PLPP4: variants seen among roughly 807,000 people sequenced by gnomAD.
PLPP4 encodes phospholipid phosphatase 4.
A neutral mutation model predicts 32.2 loss-of-function variants in PLPP4; 20 were observed. That is an observed-to-expected ratio of 0.62 (90% CI 0.44 to 0.90). PLPP4 has a LOEUF of 0.90. Among genes scored for constraint, PLPP4 ranks in the 40% least tolerant of loss-of-function variants. The pLI is 0.00. For synonymous variants in PLPP4, 127 were observed against 133.0 expected (o/e 0.95, Z 0.31); for missense variants, 257 against 353.1 (o/e 0.73, Z 2.18).
intron 5 of PLPP4, among the ~76,000 whole-genome samples, chr10:120,537,985 A>G (rs941698116): frequency 3.2e-5 from 3 of 95,092 alleles, no homozygotes; most frequent in Non-Finnish European, 5.8e-5. Flanking sequence ...CAGAACCACC[A>G]GGCCCTTTCT....
chr10:120,586,735 C>T (rs1849778893), intron 6 of PLPP4, among the ~76,000 whole-genome samples: 4 of 152,266 alleles, frequency 2.6e-5, no homozygotes, highest in African/African-American at 9.6e-5. Context: ...CAACAGCCAA[C>T]CCTAATAGAG....
intron 1 of PLPP4, among the ~76,000 whole-genome samples, chr10:120,457,595 C>T (rs188226183): frequency 9.7e-4 from 147 of 152,264 alleles, no homozygotes; most frequent in African/African-American, 3.2e-3. Flanking sequence ...GAGACCTGCT[C>T]CCGGGTCTCA....
At chr10:120,521,680 A>C (rs1211442186) in intron 5 of PLPP4, among the ~76,000 whole-genome samples, 1 of 152,208 alleles carries the variant, frequency 6.6e-6, no homozygotes, top group African/African-American at 2.4e-5. Flanking sequence ...TGGCTCTGCC[A>C]GGTATTAGCT....
At chr10:120,560,994 G>C (rs1007669667) in intron 5 of PLPP4, among the ~76,000 whole-genome samples, 1 of 152,152 alleles carries the variant, frequency 6.6e-6, no homozygotes, top group African/African-American at 2.4e-5. Flanking sequence ...AACTGTATAT[G>C]TAATCAAAAC....
chr10:120,457,165 G>A (rs1466506693), upstream of PLPP4: 1 of 424,000 alleles, frequency 2.4e-6, no homozygotes. Flanking sequence ...GCCTGCCCCC[G>A]CCCGGCGCCC....
At chr10:120,488,655 A>G (rs1844570827) in intron 1 of PLPP4, among the ~76,000 whole-genome samples, 3 of 152,204 alleles carry the variant, frequency 2.0e-5, no homozygotes, top group African/African-American at 7.2e-5. Context: ...CTAGTCCAAC[A>G]TGCTGCTAAC....
intron 1 of PLPP4, among the ~76,000 whole-genome samples, chr10:120,487,560 ACTT>A (rs1162983146): frequency 6.6e-6 from 1 of 152,206 alleles, no homozygotes; most frequent in African/African-American, 2.4e-5. Context: ...TATCAATATT[ACTT>A]GACCTTTAAA....
intron 1 of PLPP4, among the ~76,000 whole-genome samples, chr10:120,476,950 A>G (rs189604607): frequency 7.2e-5 from 11 of 151,974 alleles, no homozygotes; most frequent in Non-Finnish European, 1.3e-4. Flanking sequence ...CCCTCTCCCA[A>G]TGGTCTTCTT....
chr10:120,497,981 A>G (rs995312612), intron 1 of PLPP4, among the ~76,000 whole-genome samples: 3 of 152,148 alleles, frequency 2.0e-5, no homozygotes, highest in Non-Finnish European at 4.4e-5. Context: ...CGGAGCTTGC[A>G]GTGAGCAGAG....
In PLPP4 at chr10:120,575,307, T is replaced by C. The variant is rs373475582; in HGVS notation, c.616+6T>C. On this transcript the variant is annotated splice_donor_region_variant and intron_variant, in intron 6 of 6. Coordinates refer to ENST00000398250, the MANE Select transcript of PLPP4 (RefSeq NM_001030059.3). ...CTACAAGCATCACTGGCAAGGTGAG[T>C]CCCTGCCCAGGGCCTGACTAGTCCT... 3 of 1,612,828 alleles carry C rather than the reference T, an allele frequency of 1.9e-6. No homozygotes were observed. Among genetic ancestry groups the C allele is most frequent in the African/African-American group, 2.7e-5 (2 of 74,896 alleles).
At chr10:120,578,184 T>TA (rs1426785679) in intron 6 of PLPP4, among the ~76,000 whole-genome samples, 2 of 152,090 alleles carry the variant, frequency 1.3e-5, no homozygotes, top group Non-Finnish European at 2.9e-5. Context: ...GTTCTGGGAG[T>TA]GGGAAGTTTT....
chr10:120,574,360 T>G (rs1454917663), intron 5 of PLPP4, among the ~76,000 whole-genome samples: 1 of 152,040 alleles, frequency 6.6e-6, no homozygotes, highest in Non-Finnish European at 1.5e-5. Context: ...CTTCCCAACT[T>G]AAATCTCACT....
intron 6 of PLPP4, among the ~76,000 whole-genome samples, chr10:120,579,133 C>G (rs1419658156): frequency 6.6e-6 from 1 of 152,158 alleles, no homozygotes; most frequent in East Asian, 1.9e-4. Context: ...AATGAGCTCC[C>G]CTGACCCCTC....
At chr10:120,470,008 C>G (rs1045210121) in intron 1 of PLPP4, among the ~76,000 whole-genome samples, 8 of 152,186 alleles carry the variant, frequency 5.3e-5, no homozygotes, top group Admixed American at 3.3e-4. Context: ...TTTTCTGGGT[C>G]AAGACCACGT....
At chr10:120,538,925 C>T (rs992517380) in intron 5 of PLPP4, among the ~76,000 whole-genome samples, 1 of 152,158 alleles carries the variant, frequency 6.6e-6, no homozygotes, top group African/African-American at 2.4e-5. Context: ...GCATTTATAC[C>T]CAGATCATCT....
intron 5 of PLPP4, among the ~76,000 whole-genome samples, chr10:120,539,995 C>G (rs72836033): frequency 0.028 from 2,421 of 87,094 alleles, 40 homozygotes; most frequent in Non-Finnish European, 0.044. Flanking sequence ...GATTAGTAAA[C>G]TTGTAAAAAA....
chr10:120,566,192 G>T (rs1382813398), intron 5 of PLPP4, among the ~76,000 whole-genome samples: 2 of 151,860 alleles, frequency 1.3e-5, no homozygotes, highest in Non-Finnish European at 2.9e-5. Flanking sequence ...TTTTCTTATA[G>T]GTTCTCATTT....
At chr10:120,589,213 C>A in intron 6 of PLPP4, 90 bp from the exon 7 acceptor site, 3 of 1,300,266 alleles carry the variant, frequency 2.3e-6, no homozygotes, top group Admixed American at 3.5e-5. Flanking sequence ...GGTCCTAGAA[C>A]AGGAAGGAAA....
intron 1 of PLPP4, among the ~76,000 whole-genome samples, 166 bp downstream of exon 1, chr10:120,457,527 C>T (rs1847844102): frequency 6.6e-6 from 1 of 152,140 alleles, no homozygotes; most frequent in Non-Finnish European, 1.5e-5. Flanking sequence ...CCAAGAGAGA[C>T]CCTTCCTCTC....
Sources: gnomAD v4.1 joint callset for allele counts (sites outside exome capture counted in the v4.1 genomes callset) on GRCh38, gnomAD v4.1.1 for gene constraint, MANE v1.5 for transcripts, NCBI Gene and HGNC (gene_info 2026-07-23, HGNC 2026-07-21) for gene names.